MBNL1: variants seen among roughly 807,000 people sequenced by gnomAD.
The protein encoded by MBNL1 is muscleblind-like protein 1.
A neutral mutation model predicts 42.2 loss-of-function variants in MBNL1; 8 were observed. The ratio of observed to expected loss-of-function variants is 0.19; its 90% CI spans 0.11 to 0.34. MBNL1 has a LOEUF of 0.34. Ranked by LOEUF, MBNL1 falls within the 10% of genes least tolerant of loss-of-function variation. The pLI is 1.00. For missense variants in MBNL1, 309 were observed against 495.3 expected (o/e 0.62, Z 3.57); for synonymous variants, 169 against 173.9 (o/e 0.97, Z 0.22).
intron 2 of MBNL1, among the ~76,000 whole-genome samples, chr3:152,377,634 TGTGACACACATTAA>T (rs2096968376): frequency 6.6e-6 from 1 of 152,226 alleles, no homozygotes; most frequent in South Asian, 2.1e-4. Flanking sequence ...AAACCTATAT[TGTGACACACATTAA>T]CATATTTGGA....
At chr3:152,286,329 A>ATTATATTTTATTTATAATATAAATAT (rs1280601109) in intron 1 of MBNL1, among the ~76,000 whole-genome samples, 4 of 141,786 alleles carry the variant, frequency 2.8e-5, no homozygotes, top group Non-Finnish European at 4.6e-5. Flanking sequence ...CAAATATTTA[A>ATTATATTTTATTTATAATATAAATAT]TTATATTTTA....
At chr3:152,424,542 T>A (rs111645442) in intron 3 of MBNL1, among the ~76,000 whole-genome samples, 25 of 151,906 alleles carry the variant, frequency 1.6e-4, no homozygotes, top group African/African-American at 6.0e-4. Flanking sequence ...CAAGCTACCA[T>A]TGACTTTCTT....
intron 1 of MBNL1, among the ~76,000 whole-genome samples, chr3:152,284,333 AT>A (rs932384474): frequency 4.0e-5 from 6 of 151,880 alleles, no homozygotes; most frequent in African/African-American, 1.5e-4. Flanking sequence ...CAAGATTATA[AT>A]TTTTTTTAAT....
chr3:152,446,686 C>G, intron 5 of MBNL1: 2 of 1,612,894 alleles, frequency 1.2e-6, no homozygotes, highest in South Asian at 1.1e-5. Flanking sequence ...ATCATGTGCT[C>G]GCTGCCTGCT....
intron 2 of MBNL1, among the ~76,000 whole-genome samples, chr3:152,306,674 G>A (rs191670645): frequency 2.6e-5 from 4 of 152,262 alleles, no homozygotes; most frequent in South Asian, 4.1e-4. Flanking sequence ...GAAATCAGGA[G>A]TCTGGTAGGT....
intron 8 of MBNL1, chr3:152,458,054 G>A: frequency 1.7e-6 from 2 of 1,189,408 alleles, no homozygotes; most frequent in Non-Finnish European, 2.5e-6. Context: ...AATGCAGCCT[G>A]CATGCATGCA....
rs553397698 is a variant in MBNL1 at position 152,446,272 on chromosome 3, A to G, written c.807+733A>G. On this transcript the variant is annotated intron_variant, in intron 5 of 9. Transcript: ENST00000324210. ...TGTTTTAATGTTGTCATTTTTTTAC[A>G]TAAATATATGACTTAAATCAATGAA... 5.3e-5 allele frequency among the ~76,000 whole-genome samples: 8 copies of G among 152,236 alleles called. No individual in the cohort carries two copies. The East Asian group carries it at 1.3e-3, about 26-fold the overall frequency.
At chr3:152,363,367 A>T (rs930630868) in intron 2 of MBNL1, among the ~76,000 whole-genome samples, 2 of 152,164 alleles carry the variant, frequency 1.3e-5, no homozygotes, top group African/African-American at 4.8e-5. Flanking sequence ...AGAGTGTAAG[A>T]CAGCAGGGAA....
At chr3:152,446,012 C>G (rs1356388753) in intron 5 of MBNL1, among the ~76,000 whole-genome samples, 3 of 152,096 alleles carry the variant, frequency 2.0e-5, no homozygotes, top group African/African-American at 7.2e-5. Flanking sequence ...GAATTAGCTA[C>G]AGGATTTTGA....
At chr3:152,306,638 T>A (rs956418821) in intron 2 of MBNL1, among the ~76,000 whole-genome samples, 2 of 152,198 alleles carry the variant, frequency 1.3e-5, no homozygotes, top group African/African-American at 4.8e-5. Flanking sequence ...TATTTATTAT[T>A]ATTTTAAAAA....
intron 2 of MBNL1, among the ~76,000 whole-genome samples, chr3:152,304,923 T>G (rs1477319105): frequency 1.3e-5 from 2 of 152,200 alleles, no homozygotes; most frequent in East Asian, 3.8e-4. Context: ...TTAGATAAAT[T>G]GTAAACCATG....
At chr3:152,332,195 GTAATGCCAAGGTCAGAAAAAT>G (rs2152656523) in intron 2 of MBNL1, among the ~76,000 whole-genome samples, 1 of 152,264 alleles carries the variant, frequency 6.6e-6, no homozygotes, top group South Asian at 2.1e-4. Flanking sequence ...CTATCACGTG[GTAATGCCAAGGTCAGAAAAAT>G]CATTTGTTAT....
chr3:152,315,783 C>A (rs1307377925), intron 2 of MBNL1, among the ~76,000 whole-genome samples: 1 of 151,830 alleles, frequency 6.6e-6, no homozygotes, highest in Non-Finnish European at 1.5e-5. Context: ...AGGAGCCAAA[C>A]CAAAGTTTAA....
At chr3:152,447,943 C>G (rs1001506834) in intron 6 of MBNL1, among the ~76,000 whole-genome samples, 170 bp downstream of exon 6, 1 of 152,162 alleles carries the variant, frequency 6.6e-6, no homozygotes, top group African/African-American at 2.4e-5. Flanking sequence ...TCCTTAAAAA[C>G]TAAGGATTGT....
intron 2 of MBNL1, among the ~76,000 whole-genome samples, chr3:152,244,741 G>A (rs573969144): frequency 1.6e-4 from 25 of 151,974 alleles, no homozygotes; most frequent in Non-Finnish European, 3.4e-4. Flanking sequence ...GTGCTGAAGA[G>A]GCATTTGGAT....
upstream of MBNL1, chr3:152,268,685 T>A (rs1487313472): frequency 6.8e-6 from 3 of 441,378 alleles, no homozygotes; most frequent in Admixed American, 7.5e-5. Flanking sequence ...TCGGCGCCGC[T>A]GGGCGACCGC....
chr3:152,281,164 G>A (rs1471821341), intron 1 of MBNL1, among the ~76,000 whole-genome samples: 1 of 152,060 alleles, frequency 6.6e-6, no homozygotes, highest in Non-Finnish European at 1.5e-5. Flanking sequence ...TGTGATTTAG[G>A]CATTGCTATC....
intron 2 of MBNL1, among the ~76,000 whole-genome samples, chr3:152,375,436 A>G (rs545016626): frequency 6.6e-5 from 10 of 152,306 alleles, no homozygotes; most frequent in African/African-American, 2.4e-4. Context: ...TACTTGTAAA[A>G]ATAAATAATG....
chr3:152,340,889 C>T, intron 2 of MBNL1: 1 of 1,611,544 alleles, frequency 6.2e-7, no homozygotes, highest in Non-Finnish European at 8.5e-7. Context: ...ACCTGTGGGC[C>T]AGGGTCCATC....
Sources: gnomAD v4.1 joint callset for allele counts (sites outside exome capture counted in the v4.1 genomes callset) on GRCh38, gnomAD v4.1.1 for gene constraint, MANE v1.5 for transcripts, NCBI Gene and HGNC (gene_info 2026-07-23, HGNC 2026-07-21) for gene names.